The following TMEM132B variants were observed in gnomAD, a reference collection of about 807,000 sequenced individuals.
TMEM132B encodes transmembrane protein 132B.
Under a neutral mutation model 90.8 loss-of-function variants are expected in TMEM132B, and 18 were observed. That is an observed-to-expected ratio of 0.20 (90% CI 0.14 to 0.29). The LOEUF (loss-of-function observed/expected upper bound fraction) is 0.29, where lower values mean the gene tolerates loss of function less well. Ranked by LOEUF, TMEM132B falls within the 10% of genes least tolerant of loss-of-function variation. TMEM132B has a pLI of 1.00. For missense variants in TMEM132B, 1,096 were observed against 1,326.8 expected (o/e 0.83, Z 2.70); for synonymous variants, 504 against 523.3 (o/e 0.96, Z 0.50).
chr12:125,494,225 C>A (rs1184021548), intron 3 of TMEM132B, among the ~76,000 whole-genome samples: 1 of 137,632 alleles, frequency 7.3e-6, no homozygotes, highest in Non-Finnish European at 1.6e-5. Flanking sequence ...TCCTCTCCCT[C>A]CTCCCTGGAA....
rs778170757 is a variant in TMEM132B, at chr12:125,213,934, C to T, written c.67+27068C>T. Among the ~76,000 whole-genome samples the T allele has an allele frequency of 9.9e-5, 15 of 152,152 alleles. No individual in the cohort carries two copies. The highest frequency in any genetic ancestry group is 2.9e-4 in the African/African-American group (12 of 41,442). Reference sequence around the variant, plus strand: ...ATCCAAATGGATGGATTTAGTCATTCGAATATTTATTGATGCTTTTTGTGT... The same window carrying T: ...ATCCAAATGGATGGATTTAGTCATTTGAATATTTATTGATGCTTTTTGTGT... On this transcript the variant is annotated intron_variant, in intron 1 of 8. Transcript: ENST00000682704. This position sits in a 1 kb window ranked among gnomAD's most constrained non-coding sequence, Gnocchi z 4.2.
chr12:125,652,697 C>T, intron 8 of TMEM132B, 65 bp downstream of exon 8: 3 of 1,526,750 alleles, frequency 2.0e-6, no homozygotes, highest in Middle Eastern at 2.3e-4. Flanking sequence ...GTTAGCACAT[C>T]CTGCGAAGGA....
At chr12:125,304,406 GT>G (rs1203324966) in intron 1 of TMEM132B, among the ~76,000 whole-genome samples, 10 of 151,604 alleles carry the variant, frequency 6.6e-5, no homozygotes, top group African/African-American at 2.4e-4. Flanking sequence ...TATTTTTTTG[GT>G]TATATTTATG....
chr12:125,368,997 A>G (rs554121728), intron 2 of TMEM132B, among the ~76,000 whole-genome samples: 2 of 151,762 alleles, frequency 1.3e-5, no homozygotes, highest in Non-Finnish European at 2.9e-5. Context: ...CATTAGGTAT[A>G]TCTCCTAATG....
chr12:125,620,076 A>G (rs916473854), intron 5 of TMEM132B, among the ~76,000 whole-genome samples: 1 of 152,178 alleles, frequency 6.6e-6, no homozygotes, highest in African/African-American at 2.4e-5. Context: ...GAGATTTATA[A>G]ATCATAGTTG....
At chr12:125,546,180 C>G (rs1884086990) in intron 4 of TMEM132B, among the ~76,000 whole-genome samples, 1 of 151,692 alleles carries the variant, frequency 6.6e-6, no homozygotes, top group South Asian at 2.1e-4. Flanking sequence ...CAAGTATTGT[C>G]TTTCTTTTCT....
At chr12:125,306,310 G>A (rs1300384209) in intron 1 of TMEM132B, among the ~76,000 whole-genome samples, 1 of 152,224 alleles carries the variant, frequency 6.6e-6, no homozygotes, top group Non-Finnish European at 1.5e-5. Flanking sequence ...TGGAGCCTCA[G>A]GTTTTAGCAG....
chr12:125,260,103 C>G (rs1382219397), intron 1 of TMEM132B, among the ~76,000 whole-genome samples: 1 of 152,120 alleles, frequency 6.6e-6, no homozygotes, highest in Non-Finnish European at 1.5e-5. Context: ...CAGGTTGGAG[C>G]TTTGAGAGAG....
chr12:125,387,561 TA>T (rs1310890663), intron 2 of TMEM132B, among the ~76,000 whole-genome samples: 2 of 152,246 alleles, frequency 1.3e-5, no homozygotes, highest in African/African-American at 4.8e-5. Context: ...GTTGAAAAGC[TA>T]TTGTGGATAC....
intron 1 of TMEM132B, among the ~76,000 whole-genome samples, chr12:125,300,487 G>A (rs141974820): frequency 2.0e-5 from 3 of 152,222 alleles, no homozygotes; most frequent in Admixed American, 6.5e-5. Context: ...CTACCTATCT[G>A]CCTACATCCA....
chr12:125,351,241 T>A (rs1389886338), intron 2 of TMEM132B, among the ~76,000 whole-genome samples: 2 of 152,234 alleles, frequency 1.3e-5, no homozygotes, highest in African/African-American at 4.8e-5. Flanking sequence ...GTGAATGGGC[T>A]TGGCTGGGTT....
chr12:125,372,276 A>G (rs190461319), intron 2 of TMEM132B, among the ~76,000 whole-genome samples: 29 of 152,372 alleles, frequency 1.9e-4, no homozygotes, highest in East Asian at 1.2e-3. Context: ...GTCCCCGGCT[A>G]GAACTGGCAG....
At chr12:125,531,557 A>T (rs995189608) in intron 4 of TMEM132B, among the ~76,000 whole-genome samples, 1 of 152,172 alleles carries the variant, frequency 6.6e-6, no homozygotes, top group African/African-American at 2.4e-5. Context: ...CCCCCTTCCC[A>T]CAAAACTACA....
At chr12:125,560,362 G>A (rs1884489165) in intron 4 of TMEM132B, among the ~76,000 whole-genome samples, 1 of 152,180 alleles carries the variant, frequency 6.6e-6, no homozygotes, top group African/African-American at 2.4e-5. Context: ...CATAGTCAGT[G>A]TATATCTTCC....
In TMEM132B at chr12:125,321,882, A is replaced by G. The variant is rs186075304; in HGVS notation, c.68-27570A>G. Among the ~76,000 whole-genome samples the G allele has an allele frequency of 3.2e-4, 49 of 152,264 alleles. 1 individual carries two copies. The highest frequency in any genetic ancestry group is 1.1e-3 in the African/African-American group (47 of 41,562). On this transcript the variant is annotated intron_variant, in intron 1 of 8. Transcript: ENST00000682704. ...AAAAAAGACCTGTTTATAAATGTTT[A>G]TTCGTCATTGCCCCAAACTGGAAAC...
At chr12:125,638,816 A>G (rs767542003) in intron 5 of TMEM132B, among the ~76,000 whole-genome samples, 45 of 152,328 alleles carry the variant, frequency 3.0e-4, no homozygotes, top group Non-Finnish European at 5.4e-4. Flanking sequence ...CCCAAAGGAA[A>G]CATATTCACA....
chr12:125,520,016 TC>T (rs1222504005), intron 4 of TMEM132B, among the ~76,000 whole-genome samples: 1 of 152,154 alleles, frequency 6.6e-6, no homozygotes, highest in Non-Finnish European at 1.5e-5. Context: ...CCCTTAAGTC[TC>T]CCAGGTAACT....
At chr12:125,272,127 A>G (rs940247821) in intron 1 of TMEM132B, among the ~76,000 whole-genome samples, 1 of 152,214 alleles carries the variant, frequency 6.6e-6, no homozygotes, top group African/African-American at 2.4e-5. Context: ...TCCTCTCTTT[A>G]TGAGAAGGAT....
chr12:125,448,463 T>A (rs1013212762), intron 3 of TMEM132B, among the ~76,000 whole-genome samples: 8 of 152,216 alleles, frequency 5.3e-5, no homozygotes, highest in African/African-American at 1.9e-4. Flanking sequence ...TTAATAAAGA[T>A]GAAAAGATGT....
Sources: gnomAD v4.1 joint callset for allele counts (sites outside exome capture counted in the v4.1 genomes callset) on GRCh38, gnomAD v4.1.1 for gene constraint, Gnocchi (gnomAD v3.1) non-coding constraint, MANE v1.5 for transcripts, NCBI Gene and HGNC (gene_info 2026-07-23, HGNC 2026-07-21) for gene names.